The following PEPD variants were observed in gnomAD, a reference collection of about 807,000 sequenced individuals.
PEPD encodes peptidase D, also known as xaa-Pro dipeptidase.
In PEPD, 53 loss-of-function variants were observed where a neutral mutation model predicts 60.7. The ratio of observed to expected loss-of-function variants is 0.87; its 90% confidence interval spans 0.70 to 1.10. PEPD has a LOEUF of 1.10. PEPD is among the 50% of genes least tolerant of loss of function. PEPD has a pLI of 0.00. For synonymous variants in PEPD, 267 were observed against 284.1 expected, an observed-to-expected ratio of 0.94 and a Z score of 0.60; for missense variants, 711 against 711.9, an observed-to-expected ratio of 1.00 and a Z score of 0.01.
At chr19:33,397,362 G>A (rs1017667614) in intron 12 of PEPD, among the ~76,000 whole-genome samples, 4 of 152,080 alleles carry the variant, frequency 2.6e-5, no homozygotes, top group African/African-American at 4.8e-5. Flanking sequence ...GGGCAGTCTC[G>A]GTGGGGTGTT....
intron 9 of PEPD, among the ~76,000 whole-genome samples, chr19:33,452,003 ACCT>A (rs1969709040): frequency 6.6e-6 from 1 of 152,208 alleles, no homozygotes; most frequent in South Asian, 2.1e-4. Context: ...TAGATAATAA[ACCT>A]GATTCATGTA....
At chr19:33,490,137 G>C in intron 5 of PEPD, 80 bp from the exon 6 acceptor site, 1 of 956,550 alleles carries the variant, frequency 1.0e-6, no homozygotes, top group South Asian at 1.4e-5. Context: ...CTCCAGCTAG[G>C]CTCAGGACAG....
chr19:33,443,696 TG>T (rs1969530364), intron 9 of PEPD, among the ~76,000 whole-genome samples: 1 of 149,418 alleles, frequency 6.7e-6, no homozygotes, highest in African/African-American at 2.4e-5. Flanking sequence ...AAAAGTTTGC[TG>T]AACAAATGAA....
intron 1 of PEPD, among the ~76,000 whole-genome samples, chr19:33,514,273 C>T (rs1286314114): frequency 6.6e-6 from 1 of 152,034 alleles, no homozygotes; most frequent in Non-Finnish European, 1.5e-5. Context: ...GAGAGCTCTG[C>T]CTGGGGACTG....
intron 11 of PEPD, among the ~76,000 whole-genome samples, chr19:33,411,331 G>C (rs1000959176): frequency 1.3e-5 from 2 of 152,182 alleles, no homozygotes; most frequent in African/African-American, 2.4e-5. Context: ...AGATGCGAGC[G>C]TGGTGCCCCC....
intron 9 of PEPD, among the ~76,000 whole-genome samples, chr19:33,436,284 A>G (rs1245565832): frequency 6.6e-6 from 1 of 152,028 alleles, no homozygotes; most frequent in African/African-American, 2.4e-5. Flanking sequence ...GAGAAGAGAA[A>G]GAAGCATGGG....
At chr19:33,406,951 C>A (rs1169771183) in intron 11 of PEPD, among the ~76,000 whole-genome samples, 5 of 152,264 alleles carry the variant, frequency 3.3e-5, no homozygotes, top group Non-Finnish European at 7.4e-5. Context: ...TGCCCAGGAG[C>A]AACACAAAAG....
At chr19:33,450,384 C>G (rs1969675934) in intron 9 of PEPD, among the ~76,000 whole-genome samples, 1 of 152,200 alleles carries the variant, frequency 6.6e-6, no homozygotes, top group Admixed American at 6.5e-5. Flanking sequence ...ATCAATAGTC[C>G]TATAAGCATC....
intron 11 of PEPD, among the ~76,000 whole-genome samples, chr19:33,409,199 G>A (rs1968708619): frequency 6.6e-6 from 1 of 152,240 alleles, no homozygotes; most frequent in Non-Finnish European, 1.5e-5. Context: ...GGTGTGCTGA[G>A]CCCACAGAGG....
In PEPD at chr19:33,501,016, C is replaced by T. The variant is rs368649874; in HGVS notation, c.330-15G>A. The T allele has an allele frequency of 1.6e-5, 24 of 1,532,732 alleles. No individual in the cohort carries two copies. The highest frequency in any genetic ancestry group is 2.1e-5 in the Non-Finnish European group (23 of 1,106,064). The allele number at this position is 1,532,732 out of a possible 1,614,324, so 94.9% of individuals were successfully genotyped here. On this transcript the variant is annotated splice_polypyrimidine_tract_variant and intron_variant, in intron 3 of 14. Transcript: ENST00000244137. The stretch of plus-strand genomic sequence containing the variant: ...TGGAATGGATCCTCAAAGAAAAGCA[C>T]AAGGAATATCAGGGTCAGGGCTTGG...
intron 9 of PEPD, among the ~76,000 whole-genome samples, chr19:33,453,994 T>C (rs1286692267): frequency 1.3e-5 from 2 of 152,210 alleles, no homozygotes; most frequent in African/African-American, 2.4e-5. Context: ...CCAGGACGTC[T>C]GGTCATAAAA....
chr19:33,443,934 C>T (rs116126028), intron 9 of PEPD, among the ~76,000 whole-genome samples: 8,119 of 148,526 alleles, frequency 0.055, 400 homozygotes, highest in Admixed American at 0.17. Flanking sequence ...AATGGGTGTA[C>T]GTACCACATG....
At chr19:33,513,702 A>G (rs930188018) in intron 1 of PEPD, among the ~76,000 whole-genome samples, 2 of 152,196 alleles carry the variant, frequency 1.3e-5, no homozygotes, top group African/African-American at 4.8e-5. Context: ...CTCTGAGTGC[A>G]GACTTCACTC....
intron 3 of PEPD, among the ~76,000 whole-genome samples, chr19:33,504,759 C>CAA (rs74174667): frequency 3.4e-4 from 47 of 137,394 alleles, no homozygotes; most frequent in African/African-American, 1.2e-3. Flanking sequence ...AACTCTGTCT[C>CAA]AAAAAAAAAA....
At chr19:33,399,932 C>G (rs10406327) in intron 12 of PEPD, among the ~76,000 whole-genome samples, 73,318 of 151,898 alleles carry the variant, frequency 0.48, 18,183 homozygotes, top group African/African-American at 0.58. Context: ...GTCTATCCTT[C>G]GCCTGTTTGG....
chr19:33,485,491 T>A (rs543667623), intron 6 of PEPD, among the ~76,000 whole-genome samples: 1,627 of 110,942 alleles, frequency 0.015, 26 homozygotes, highest in South Asian at 0.095. Flanking sequence ...AGACTCTGTC[T>A]AAAAAAAAAA....
At chr19:33,504,800 T>C (rs1970769363) in intron 3 of PEPD, among the ~76,000 whole-genome samples, 1 of 150,630 alleles carries the variant, frequency 6.6e-6, no homozygotes, top group Non-Finnish European at 1.5e-5. Context: ...CTGGGGAGGA[T>C]GGGTCAGCAG....
chr19:33,409,901 C>T (rs3786902), intron 11 of PEPD, among the ~76,000 whole-genome samples: 16,546 of 152,230 alleles, frequency 0.11, 2,050 homozygotes, highest in African/African-American at 0.3. Flanking sequence ...AGGATCAGGG[C>T]GAGGAGTGGG....
Position 33,391,352 on chromosome 19 carries a change from A to G in PEPD, c.1095T>C (p.Pro365=). The change falls in exon 13 of 15, where the codon CCT becomes CCC. Residue 365 remains proline (P), a synonymous_variant. Coordinates refer to ENST00000244137, the MANE Select transcript of PEPD (RefSeq NM_000285.4). The part of the protein sequence containing the change: ...VQAHLGAVFM[P]HGLGHFLGID... Reference sequence around the variant, plus strand: ...TGCCCAGGAAGTGGCCAAGCCCGTGAGGCATAAACACGGCCCCCAGGTGAG... The same window carrying G: ...TGCCCAGGAAGTGGCCAAGCCCGTGGGGCATAAACACGGCCCCCAGGTGAG... The G allele has an allele frequency of 1.2e-6, 2 of 1,610,942 alleles. No homozygotes were observed. The highest frequency in any genetic ancestry group is 1.7e-6 in the Non-Finnish European group (2 of 1,179,050).
Sources: gnomAD v4.1 joint callset for allele counts (sites outside exome capture counted in the v4.1 genomes callset) on GRCh38, gnomAD v4.1.1 for gene constraint, MANE v1.5 for transcripts, NCBI Gene and HGNC (gene_info 2026-07-23, HGNC 2026-07-21) for gene names.